MACF1: variants seen among roughly 807,000 people sequenced by gnomAD.
MACF1 encodes the protein microtubule actin crosslinking factor 1.
A neutral mutation model predicts 854.8 loss-of-function variants in MACF1; 193 were observed. The ratio of observed to expected loss-of-function variants is 0.23; its 90% CI spans 0.20 to 0.25. The LOEUF is 0.25. MACF1 is among the 10% of genes least tolerant of loss of function. MACF1 has a pLI of 1.00. For synonymous variants in MACF1, 3,185 were observed against 3,226.7 expected (o/e 0.99, Z 0.44); for missense variants, 7,722 against 8,929.1 (o/e 0.86, Z 5.45).
intron 58 of MACF1, among the ~76,000 whole-genome samples, chr1:39,398,444 A>G (rs1642356938): frequency 6.6e-6 from 1 of 151,868 alleles, no homozygotes; most frequent in Admixed American, 6.6e-5. Flanking sequence ...TGGCCCAGAG[A>G]CATTTTTTAT....
chr1:39,434,831 T>C (rs1235698506), intron 69 of MACF1, among the ~76,000 whole-genome samples, 199 bp downstream of exon 69: 4 of 152,342 alleles, frequency 2.6e-5, no homozygotes, highest in South Asian at 2.1e-4. Context: ...ACTAAGATTA[T>C]AGAGATGTCG....
intron 52 of MACF1, 30 bp from the exon 53 acceptor site, chr1:39,378,431 C>T (rs531702004): frequency 4.4e-6 from 7 of 1,590,864 alleles, no homozygotes; most frequent in Non-Finnish European, 6.0e-6. Context: ...GTTGGTCTTG[C>T]CCTGTTTGTC....
chr1:39,370,365 G>A (rs1289987361), intron 51 of MACF1, among the ~76,000 whole-genome samples, 179 bp downstream of exon 51: 1 of 152,186 alleles, frequency 6.6e-6, no homozygotes, highest in Non-Finnish European at 1.5e-5. Flanking sequence ...TCCTTGAGAA[G>A]CATACACTCT....
intron 56 of MACF1, among the ~76,000 whole-genome samples, chr1:39,383,928 C>G (rs966838456): frequency 1.3e-5 from 2 of 151,938 alleles, no homozygotes; most frequent in Non-Finnish European, 2.9e-5. Flanking sequence ...TAATTTCTGG[C>G]TTAATAGGCT....
chr1:39,417,784 G>T (rs1198381281), intron 58 of MACF1, among the ~76,000 whole-genome samples: 1 of 128,336 alleles, frequency 7.8e-6, no homozygotes, highest in Non-Finnish European at 1.6e-5. Context: ...CACTGTGTTG[G>T]CCAGGCTGGT....
At chr1:39,424,543 T>C (rs1643661725) in intron 61 of MACF1, among the ~76,000 whole-genome samples, 1 of 152,240 alleles carries the variant, frequency 6.6e-6, no homozygotes, top group South Asian at 2.1e-4. Flanking sequence ...TATTTATAAA[T>C]AATGCTTTTG....
In MACF1 at chr1:39,327,277, A is replaced by G; in HGVS notation, c.4538A>G (p.Tyr1513Cys). ...CAATTGAATGCCCTAAACAAGGCTT[A>G]CCATGACCTTTGTGATGGTTCTGCA... ...SEQLNALNKA[Y>C]HDLCDGSANQ... The change falls in exon 36 of 101, where the codon TAC becomes TGC. Residue 1513 changes from tyrosine to cysteine, a missense_variant. By Grantham distance (194) the Tyr-to-Cys change is radical. Transcript: ENST00000564288. The G allele has an allele frequency of 1.2e-6, 2 of 1,608,300 alleles. No homozygotes were observed. The highest frequency in any genetic ancestry group is 1.7e-6 in the Non-Finnish European group (2 of 1,175,238).
Position 39,452,770 on chromosome 1 carries a change from T to G in MACF1, c.20700T>G (p.Pro6900=), listed in dbSNP as rs1235474515. ...EQTLRFRGAL[P]DDTEALQSLI... is the part of the protein sequence containing the mutation. ...CGCTTCGCTTTCGGGGAGCACTTCC[T>G]GATGACACAGAGGCCCTGCAGTCTC... Residue 6900 remains proline (P), a synonymous_variant, in exon 87 of 101, where the codon CCT becomes CCG. Coordinates refer to ENST00000564288, the MANE Select transcript of MACF1 (RefSeq NM_001394062.1). 1 of 1,614,150 alleles carries G rather than the reference T, an allele frequency of 6.2e-7. No individual in the cohort carries two copies. The highest frequency in any genetic ancestry group is 2.2e-5 in the East Asian group (1 of 44,884).
chr1:39,359,464 A>C (rs1647872118), intron 47 of MACF1, among the ~76,000 whole-genome samples, 200 bp downstream of exon 47: 1 of 152,156 alleles, frequency 6.6e-6, no homozygotes, highest in Non-Finnish European at 1.5e-5. Flanking sequence ...GGACCTTCAC[A>C]ATCTGGCTTC....
chr1:39,084,679 C>T lies in MACF1; in HGVS notation c.220+241C>T, dbSNP rs1483986823. The stretch of plus-strand genomic sequence containing the variant: ...CTGTTTTCATTTCTGCACCTTCTTC[C>T]CTGTCTTTGTCCCCATTCAGTTATA... On this transcript the variant is annotated intron_variant, in intron 2 of 93. Coordinates refer to the MACF1 transcript ENST00000361689. This position sits in a 1 kb window ranked among gnomAD's most constrained non-coding sequence, Gnocchi z 5.2. Among the ~76,000 whole-genome samples the T allele has an allele frequency of 6.6e-6, 1 of 152,200 alleles. No individual in the cohort carries two copies. The highest frequency in any genetic ancestry group is 2.4e-5 in the African/African-American group (1 of 41,452).
chr1:39,370,158 A>C lies in MACF1; in HGVS notation c.13067A>C (p.Glu4356Ala). The change falls in exon 51 of 101, where the codon GAG becomes GCG. Residue 4356 changes from glutamate (E) to alanine (A), a missense_variant. Glu to Ala is a moderately radical substitution (Grantham distance 107). Transcript: ENST00000564288. Reference sequence around the variant, plus strand: ...ACGGAAACTTCTATGAGTGCTAAAGAGTTAGAAAAGCAGATTGAACACCTG... The same window carrying C: ...ACGGAAACTTCTATGAGTGCTAAAGCGTTAGAAAAGCAGATTGAACACCTG... Reference protein sequence around the residue: ...PPTETSMSAKELEKQIEHLKS... With the variant: ...PPTETSMSAKALEKQIEHLKS... The C allele has an allele frequency of 1.2e-6, 2 of 1,612,314 alleles. No homozygotes were observed. Among genetic ancestry groups the C allele is most frequent in the Non-Finnish European group, 1.7e-6 (2 of 1,179,356 alleles).
chr1:39,436,598 G>A (rs537348135), intron 70 of MACF1: 1 of 1,061,926 alleles, frequency 9.4e-7, no homozygotes, highest in Non-Finnish European at 1.5e-6. Context: ...AATTTAATTA[G>A]TGCAGTTTAT....
chr1:39,456,991 CT>C, intron 89 of MACF1: 1 of 152,360 alleles, frequency 6.6e-6, no homozygotes, highest in Non-Finnish European at 1.5e-5. Flanking sequence ...CCTTTTTAGC[CT>C]TTTTAGCTGG....
chr1:39,366,191 A>G (rs1569729915), intron 49 of MACF1, among the ~76,000 whole-genome samples: 1 of 152,330 alleles, frequency 6.6e-6, no homozygotes, highest in Non-Finnish European at 1.5e-5. Flanking sequence ...AGAAGTTAGC[A>G]TTTTTATGTG....
At chr1:39,417,713 ATTTTTTTTTTTTTTTTTTTTTTTTT>A (rs56799242) in intron 58 of MACF1, among the ~76,000 whole-genome samples, 1 of 55,796 alleles carries the variant, frequency 1.8e-5, no homozygotes, top group South Asian at 7.7e-4. Flanking sequence ...CACCCAGTTA[ATTTTTTTTTTTTTTTTTTTTTTTTT>A]TTTTTTTTTT....
In MACF1 at chr1:39,408,995, T is replaced by A. The variant is rs537309163; in HGVS notation, c.15817-13379T>A. 1.2e-3 allele frequency among the ~76,000 whole-genome samples: 180 copies of A among 147,534 alleles called. 1 individual carries two copies. Among genetic ancestry groups the A allele is most frequent in the African/African-American group, 4.4e-3 (178 of 40,502 alleles). On this transcript the variant is annotated intron_variant, in intron 58 of 100. Coordinates refer to ENST00000564288, the MANE Select transcript of MACF1 (RefSeq NM_001394062.1). ...TGTGCTCTCCGCGTCGCGCGCTCCC[T>A]GGCTTCCAGGGGGCTGCCCGGGCGG... is the stretch of plus-strand genomic sequence containing the variant.
intron 18 of MACF1, among the ~76,000 whole-genome samples, chr1:39,294,730 C>G (rs2148404146): frequency 6.6e-6 from 1 of 152,234 alleles, no homozygotes; most frequent in South Asian, 2.1e-4. Flanking sequence ...GTGTCATGTA[C>G]TGGTGTGGGT....
intron 98 of MACF1, 34 bp downstream of exon 98, chr1:39,480,043 C>G (rs756854852): frequency 1.3e-6 from 2 of 1,569,872 alleles, no homozygotes; most frequent in Non-Finnish European, 1.8e-6. Flanking sequence ...CCTTCTTCCC[C>G]AATCCCACCC....
chr1:39,421,856 C>T (rs534972872), intron 58 of MACF1, among the ~76,000 whole-genome samples: 11 of 152,238 alleles, frequency 7.2e-5, no homozygotes, highest in Admixed American at 6.5e-4. Context: ...GGGCGGATCA[C>T]GAGGTCAGGA....
Sources: gnomAD v4.1 joint callset for allele counts (sites outside exome capture counted in the v4.1 genomes callset) on GRCh38, gnomAD v4.1.1 for gene constraint, Gnocchi (gnomAD v3.1) non-coding constraint, MANE v1.5 for transcripts, NCBI Gene and HGNC (gene_info 2026-07-23, HGNC 2026-07-21) for gene names.